The following CSMD1 variants were observed in gnomAD, a reference collection of about 807,000 sequenced individuals.
CSMD1 encodes CUB and Sushi multiple domains 1, also known as CUB and sushi domain-containing protein 1.
CSMD1 carries 213 observed loss-of-function variants against 417.5 expected under a neutral mutation model. That is an observed-to-expected ratio of 0.51 (90% CI 0.46 to 0.57). CSMD1 has a LOEUF of 0.57. Among genes scored for constraint, CSMD1 ranks in the 20% least tolerant of loss-of-function variants. The probability of loss-of-function intolerance (pLI) is 0.00; values close to 1 mark genes in which losing one functional copy is unlikely to be tolerated. For missense variants in CSMD1, 6,923 were observed against 4,529.7 expected, an observed-to-expected ratio of 1.53 and a Z score of -15.17; for synonymous variants, 2,862 against 1,736.8, an observed-to-expected ratio of 1.65 and a Z score of -16.11.
At chr8:4,000,275 C>T (rs888624646) in intron 4 of CSMD1, among the ~76,000 whole-genome samples, 3 of 152,088 alleles carry the variant, frequency 2.0e-5, no homozygotes, top group Non-Finnish European at 2.9e-5. Flanking sequence ...CACACACTTC[C>T]CTGGTCAACT....
At chr8:4,886,923 T>A (rs756603257) in intron 1 of CSMD1, among the ~76,000 whole-genome samples, 3 of 152,088 alleles carry the variant, frequency 2.0e-5, no homozygotes, top group East Asian at 1.9e-4. Context: ...CGATGTTACA[T>A]AACCAACTTT....
At chr8:4,628,070 G>T (rs973602162) in intron 2 of CSMD1, among the ~76,000 whole-genome samples, 11 of 151,522 alleles carry the variant, frequency 7.3e-5, no homozygotes, top group African/African-American at 2.7e-4. Flanking sequence ...AAGGCTGATA[G>T]AAGCATATAC....
At chr8:4,752,033 T>C (rs1811365690) in intron 1 of CSMD1, among the ~76,000 whole-genome samples, 1 of 152,194 alleles carries the variant, frequency 6.6e-6, no homozygotes, top group Non-Finnish European at 1.5e-5. Context: ...ATTAAATATG[T>C]ATATGCAAAC....
intron 3 of CSMD1, among the ~76,000 whole-genome samples, chr8:4,358,856 A>C (rs1321056377): frequency 6.6e-6 from 1 of 152,176 alleles, no homozygotes; most frequent in Non-Finnish European, 1.5e-5. Context: ...AATAACTTTT[A>C]AACACGGTTT....
chr8:3,761,116 G>A (rs1243241780), intron 5 of CSMD1, among the ~76,000 whole-genome samples: 3 of 152,090 alleles, frequency 2.0e-5, no homozygotes, highest in Non-Finnish European at 4.4e-5. Flanking sequence ...CATTGTAAGT[G>A]AAATCATTTC....
At chr8:3,728,557 C>T (rs1182952788) in intron 6 of CSMD1, among the ~76,000 whole-genome samples, 1 of 152,124 alleles carries the variant, frequency 6.6e-6, no homozygotes, top group Non-Finnish European at 1.5e-5. Flanking sequence ...GCCTATGTTC[C>T]AAGAGCCTTT....
At chr8:3,947,705 T>C (rs1199135119) in intron 5 of CSMD1, among the ~76,000 whole-genome samples, 2 of 152,218 alleles carry the variant, frequency 1.3e-5, no homozygotes, top group Admixed American at 1.3e-4. Flanking sequence ...ACATTTTTAA[T>C]TGACTAAGCC....
chr8:3,552,546 A>G (rs1046229756), intron 10 of CSMD1, among the ~76,000 whole-genome samples: 2 of 152,194 alleles, frequency 1.3e-5, no homozygotes, highest in Non-Finnish European at 1.5e-5. Context: ...TGGATTAGCC[A>G]AGATAAACAT....
chr8:4,188,743 G>GA (rs1374700704), intron 3 of CSMD1, among the ~76,000 whole-genome samples: 3 of 151,448 alleles, frequency 2.0e-5, no homozygotes, highest in African/African-American at 7.3e-5. Flanking sequence ...GTAATGTCTA[G>GA]AAAAGAAAGA....
intron 7 of CSMD1, among the ~76,000 whole-genome samples, chr8:3,693,804 G>C (rs944596862): frequency 1.3e-5 from 2 of 151,752 alleles, no homozygotes; most frequent in African/African-American, 4.8e-5. Context: ...CGTCGTGTGT[G>C]TGTGTGTTGT....
At chr8:4,631,414 A>C (rs1232557030) in intron 2 of CSMD1, among the ~76,000 whole-genome samples, 2 of 132,320 alleles carry the variant, frequency 1.5e-5, no homozygotes, top group African/African-American at 6.2e-5. Context: ...TTTTTTTTTT[A>C]ATCAGTCCAT....
At chr8:4,955,683 T>C (rs1015419048) in intron 1 of CSMD1, among the ~76,000 whole-genome samples, 13 of 151,176 alleles carry the variant, frequency 8.6e-5, no homozygotes, top group East Asian at 2.0e-4. Context: ...CTCGAACTCC[T>C]GACCTCAGGT....
At chr8:3,751,867 A>T (rs1797359781) in intron 6 of CSMD1, among the ~76,000 whole-genome samples, 1 of 152,240 alleles carries the variant, frequency 6.6e-6, no homozygotes, top group African/African-American at 2.4e-5. Flanking sequence ...TGAGAGCTCT[A>T]GGAAAAGATC....
chr8:3,144,396 A>T (rs1818703853), intron 40 of CSMD1, among the ~76,000 whole-genome samples: 1 of 152,194 alleles, frequency 6.6e-6, no homozygotes. Flanking sequence ...AATTAAAAAA[A>T]ATAGAACGTG....
rs2131120825 is a variant in CSMD1 at position 4,167,263 on chromosome 8, T to A, written c.416-135164A>T. 2.0e-5 allele frequency among the ~76,000 whole-genome samples: 3 copies of A among 152,178 alleles called. No homozygotes were observed. In the Middle Eastern group the frequency reaches 0.01, roughly 518 times the overall value. On this transcript the variant is annotated intron_variant, in intron 3 of 69. Transcript: ENST00000635120. ...TGTCTTCGAAGGTGAGAAAAACAGT[T>A]TTTCCTTGCAGTTTAGAAAATTCGT...
intron 7 of CSMD1, among the ~76,000 whole-genome samples, chr8:3,675,995 T>A (rs1213232921): frequency 6.6e-6 from 1 of 152,206 alleles, no homozygotes; most frequent in Non-Finnish European, 1.5e-5. Context: ...GACTCTGTAA[T>A]AGTTTACTGG....
rs1816163056 is a variant in CSMD1, at chr8:3,106,566, G to T, written c.6911C>A (p.Ser2304Tyr). The T allele has an allele frequency of 6.2e-7, 1 of 1,613,710 alleles. No individual in the cohort carries two copies. Among genetic ancestry groups the T allele is most frequent in the Admixed American group, 1.7e-5 (1 of 59,996 alleles). Residue 2304 changes from serine to tyrosine, a missense_variant, in exon 46 of 70, where the codon TCC (serine) becomes TAC (tyrosine). By Grantham distance (144) the Ser-to-Tyr change is moderately radical. Transcript: ENST00000635120. ...GAGAGAACCCTCAAACTGCAACTGG[G>T]AACTGAGCTTGCAAGTCAGAATGTC... Reference protein sequence around the residue: ...GTDILTCKLSSQLQFEGSLPT... With the variant: ...GTDILTCKLSYQLQFEGSLPT...
chr8:3,516,307 A>T (rs1797279722), intron 10 of CSMD1, among the ~76,000 whole-genome samples: 1 of 152,250 alleles, frequency 6.6e-6, no homozygotes, highest in Non-Finnish European at 1.5e-5. Context: ...GATTATAAAG[A>T]ATCCAAAGAA....
At chr8:4,172,458 C>T (rs1012558072) in intron 3 of CSMD1, among the ~76,000 whole-genome samples, 2 of 151,884 alleles carry the variant, frequency 1.3e-5, no homozygotes, top group African/African-American at 2.4e-5. Context: ...TGTTGTGTTA[C>T]AACAGACACT....
Sources: gnomAD v4.1 joint callset for allele counts (sites outside exome capture counted in the v4.1 genomes callset) on GRCh38, gnomAD v4.1.1 for gene constraint, MANE v1.5 for transcripts, NCBI Gene and HGNC (gene_info 2026-07-23, HGNC 2026-07-21) for gene names.